Variants in PTPRG observed in about 807,000 individuals in gnomAD.
PTPRG encodes protein tyrosine phosphatase receptor type G, also known as receptor-type tyrosine-protein phosphatase gamma.
In PTPRG, 102 loss-of-function variants were observed where a neutral mutation model predicts 165.3. That is an observed-to-expected ratio of 0.62 (90% CI 0.53 to 0.73). The LOEUF (loss-of-function observed/expected upper bound fraction) is 0.73. Ranked by LOEUF, PTPRG falls within the 30% of genes least tolerant of loss-of-function variation. The pLI, the probability that PTPRG is intolerant of heterozygous loss-of-function variation, is 0.00. For missense variants in PTPRG, 1,866 were observed against 1,861.4 expected (o/e 1.00, Z -0.05); for synonymous variants, 675 against 669.5 (o/e 1.01, Z -0.13).
At position 61,919,225 on chromosome 3, in the gene PTPRG, C is replaced by T. The variant is rs2039018419; in HGVS notation, c.191-70400C>T. Among the ~76,000 whole-genome samples the T allele has an allele frequency of 3.3e-5, 5 of 152,160 alleles. No homozygotes were observed. The South Asian group carries it at 1.0e-3, about 32-fold the overall frequency. On this transcript the variant is annotated intron_variant, in intron 2 of 29. Transcript: ENST00000474889. ...CCATCAGATACCGGCTCATCTCCTG[C>T]TTCATTTTCGGTGCTGCGTTGAGGT...
chr3:62,209,512 G>A (rs373029865), intron 12 of PTPRG, among the ~76,000 whole-genome samples: 20 of 152,284 alleles, frequency 1.3e-4, no homozygotes, highest in African/African-American at 4.6e-4. Flanking sequence ...TAGGGATTGG[G>A]AGCACTGCAG....
intron 4 of PTPRG, among the ~76,000 whole-genome samples, chr3:62,025,700 A>C (rs1377530889): frequency 6.6e-6 from 1 of 152,196 alleles, no homozygotes; most frequent in East Asian, 1.9e-4. Context: ...TCTTTTATGA[A>C]CTAATGTAAA....
intron 8 of PTPRG, among the ~76,000 whole-genome samples, chr3:62,171,049 T>A (rs944127467): frequency 6.6e-6 from 1 of 152,230 alleles, no homozygotes; most frequent in African/African-American, 2.4e-5. Flanking sequence ...GTGTCTTGCT[T>A]CTTTTGCTCT....
intron 2 of PTPRG, among the ~76,000 whole-genome samples, chr3:61,844,763 A>C (rs897040874): frequency 1.3e-5 from 2 of 151,842 alleles, no homozygotes; most frequent in African/African-American, 4.8e-5. Flanking sequence ...TTGGTCTCCT[A>C]AAGTGCTGGG....
intron 2 of PTPRG, among the ~76,000 whole-genome samples, chr3:61,985,721 G>A (rs2040742615): frequency 6.6e-6 from 1 of 152,078 alleles, no homozygotes; most frequent in Non-Finnish European, 1.5e-5. Flanking sequence ...TTTCTTCTTT[G>A]ATTGACCTTC....
At chr3:61,774,027 A>G (rs1430170121) in intron 2 of PTPRG, among the ~76,000 whole-genome samples, 2 of 152,206 alleles carry the variant, frequency 1.3e-5, no homozygotes, top group Non-Finnish European at 2.9e-5. Flanking sequence ...CAACCGCCTC[A>G]GCCTCCCAAA....
intron 1 of PTPRG, among the ~76,000 whole-genome samples, chr3:61,597,874 G>T (rs898469099): frequency 6.6e-6 from 1 of 152,152 alleles, no homozygotes; most frequent in Non-Finnish European, 1.5e-5. Flanking sequence ...AAAGCATTTT[G>T]GAGCCATTGT....
In PTPRG at chr3:62,003,362, G is replaced by A. The variant is rs2041220650; in HGVS notation, c.384G>A (p.Leu128=). 2 of 1,613,700 alleles carry A rather than the reference G, an allele frequency of 1.2e-6. No homozygotes were observed. The highest frequency in any genetic ancestry group is 4.5e-5 in the East Asian group (2 of 44,874). The change falls in exon 4 of 30, where the codon CTG becomes CTA. Residue 128 remains leucine, a synonymous_variant. Coordinates refer to ENST00000474889, the MANE Select transcript of PTPRG (RefSeq NM_002841.4). ...KNTGKTVAIL[L]KDDYFVSGAG... ...TGTTTCACACAGTCGCCATCCTTCT[G>A]AAAGACGACTATTTTGTCAGTGGAG...
chr3:62,154,485 T>A (rs1257850529), intron 6 of PTPRG, among the ~76,000 whole-genome samples: 3 of 152,200 alleles, frequency 2.0e-5, no homozygotes, highest in African/African-American at 7.2e-5. Flanking sequence ...TCATGCCTGC[T>A]TAATCCATGA....
At chr3:61,922,518 G>A (rs938608265) in intron 2 of PTPRG, among the ~76,000 whole-genome samples, 1 of 152,180 alleles carries the variant, frequency 6.6e-6, no homozygotes, top group Non-Finnish European at 1.5e-5. Context: ...GTTTGTTATT[G>A]CTGCAGGACC....
chr3:62,152,352 T>A (rs7641613), intron 6 of PTPRG, among the ~76,000 whole-genome samples: 2,842 of 152,228 alleles, frequency 0.019, 56 homozygotes, highest in South Asian at 0.045. Flanking sequence ...AGAATCTGTC[T>A]CTAATTTATA....
At chr3:61,818,099 C>A (rs974908637) in intron 2 of PTPRG, among the ~76,000 whole-genome samples, 3 of 152,236 alleles carry the variant, frequency 2.0e-5, no homozygotes, top group South Asian at 2.1e-4. Context: ...CCATACCCCC[C>A]ACCCTAACCC....
chr3:62,218,090 T>G (rs976335261), intron 12 of PTPRG, among the ~76,000 whole-genome samples: 1 of 152,032 alleles, frequency 6.6e-6, no homozygotes, highest in Admixed American at 6.6e-5. Context: ...AAACAGGATC[T>G]CTGGGGATCT....
intron 5 of PTPRG, among the ~76,000 whole-genome samples, chr3:62,106,585 T>G (rs991376101): frequency 1.3e-4 from 20 of 151,188 alleles, no homozygotes; most frequent in African/African-American, 4.4e-4. Context: ...ACCGCAGCCT[T>G]GACATCCCCC....
chr3:61,582,782 A>T (rs953795551), intron 1 of PTPRG, among the ~76,000 whole-genome samples: 1 of 152,200 alleles, frequency 6.6e-6, no homozygotes. Flanking sequence ...AAGATAATGG[A>T]TTCAAGTCAA....
intron 1 of PTPRG, among the ~76,000 whole-genome samples, chr3:61,642,753 G>C (rs1702100700): frequency 2.6e-5 from 4 of 152,172 alleles, no homozygotes; most frequent in Admixed American, 2.6e-4. Context: ...ATTCAGACTG[G>C]CTTTTAATAC....
rs140508499 is a variant in PTPRG at position 61,939,288 on chromosome 3, C to T, written c.191-50337C>T. Among the ~76,000 whole-genome samples, 66 of 152,314 alleles carry T rather than the reference C, an allele frequency of 4.3e-4. No individual in the cohort carries two copies. In the East Asian group the frequency reaches 0.012, roughly 27 times the overall value. On this transcript the variant is annotated intron_variant, in intron 2 of 29. Coordinates refer to ENST00000474889, the MANE Select transcript of PTPRG (RefSeq NM_002841.4). ...AGTGGAATAATTTGACATGAAGTGC[C>T]TCTAAGCAGACCTCAAACAAGCTCC...
At chr3:61,569,994 C>T in intron 1 of PTPRG, among the ~76,000 whole-genome samples, 1 of 152,114 alleles carries the variant, frequency 6.6e-6, no homozygotes, top group East Asian at 1.9e-4. Context: ...AAAGAGTCGC[C>T]TAGTCCTGCA....
At chr3:61,882,334 T>C (rs933640916) in intron 2 of PTPRG, among the ~76,000 whole-genome samples, 1 of 152,220 alleles carries the variant, frequency 6.6e-6, no homozygotes, top group South Asian at 2.1e-4. Flanking sequence ...GTTTGTTAAA[T>C]AGATTTGTAC....
Sources: gnomAD v4.1 joint callset for allele counts (sites outside exome capture counted in the v4.1 genomes callset) on GRCh38, gnomAD v4.1.1 for gene constraint, MANE v1.5 for transcripts, NCBI Gene and HGNC (gene_info 2026-07-23, HGNC 2026-07-21) for gene names.